Variants in XKR9 observed in about 807,000 individuals in gnomAD.
The protein encoded by XKR9 is XK related 9.
Under a neutral mutation model 32.0 loss-of-function variants are expected in XKR9, and 32 were observed. The ratio of observed to expected loss-of-function variants is 1.00; its 90% CI spans 0.76 to 1.34. The LOEUF (loss-of-function observed/expected upper bound fraction) is 1.34, where lower values mean the gene tolerates loss of function less well. Ranked by LOEUF, XKR9 falls within the 40% of genes most tolerant of loss-of-function variation. XKR9 has a pLI of 0.00. For synonymous variants in XKR9, 168 were observed against 143.4 expected (o/e 1.17, Z -1.22); for missense variants, 546 against 429.7 (o/e 1.27, Z -2.39).
chr8:70,899,093 T>C, the XKR9 span, among the ~76,000 whole-genome samples: 1 of 152,164 alleles, frequency 6.6e-6, no homozygotes, highest in Non-Finnish European at 1.5e-5. Context: ...TTTTATTTTA[T>C]TTTTGTAGTG....
the XKR9 span, among the ~76,000 whole-genome samples, chr8:70,835,477 A>G: frequency 1.3e-5 from 2 of 152,076 alleles, no homozygotes; most frequent in African/African-American, 4.8e-5. Flanking sequence ...TAGGAAATAT[A>G]GTCTGGGGTC....
intron 3 of XKR9, among the ~76,000 whole-genome samples, chr8:70,693,583 A>T (rs1805152616): frequency 6.6e-6 from 1 of 152,164 alleles, no homozygotes; most frequent in Non-Finnish European, 1.5e-5. Flanking sequence ...GAGGCAGCAG[A>T]GGAAAAGATC....
At chr8:70,731,071 A>C (rs890758047) in intron 4 of XKR9, among the ~76,000 whole-genome samples, 1 of 152,208 alleles carries the variant, frequency 6.6e-6, no homozygotes, top group African/African-American at 2.4e-5. Flanking sequence ...CTGGCTTTAA[A>C]AGCAGCCTTA....
At chr8:70,719,013 T>C (rs1806186168) in intron 4 of XKR9, among the ~76,000 whole-genome samples, 2 of 152,154 alleles carry the variant, frequency 1.3e-5, no homozygotes, top group South Asian at 4.1e-4. Flanking sequence ...ACCATTCTAA[T>C]TGGTGTGAGT....
chr8:70,829,597 C>T, the XKR9 span, among the ~76,000 whole-genome samples: 1 of 152,102 alleles, frequency 6.6e-6, no homozygotes, highest in East Asian at 1.9e-4. Context: ...TACAGGCGCC[C>T]GCTACCACAC....
At chr8:71,040,921 C>T in the XKR9 span, among the ~76,000 whole-genome samples, 1 of 151,880 alleles carries the variant, frequency 6.6e-6, no homozygotes, top group Non-Finnish European at 1.5e-5. Context: ...GACAGAGTCC[C>T]CAAAGTAGAA....
the XKR9 span, among the ~76,000 whole-genome samples, chr8:70,848,600 C>T: frequency 6.6e-6 from 1 of 151,688 alleles, no homozygotes; most frequent in African/African-American, 2.4e-5. Context: ...TTACAAAATA[C>T]AAAATTGTCA....
chr8:70,891,936 T>C, the XKR9 span, among the ~76,000 whole-genome samples: 2 of 152,106 alleles, frequency 1.3e-5, no homozygotes, highest in Non-Finnish European at 2.9e-5. Flanking sequence ...ACCTGAGTGC[T>C]GTGGTGTTGG....
the XKR9 span, among the ~76,000 whole-genome samples, chr8:70,999,588 A>G: frequency 1.7e-4 from 26 of 152,210 alleles, no homozygotes; most frequent in Non-Finnish European, 1.6e-4. Flanking sequence ...CATGGTGGAA[A>G]AAAACCCTTA....
the XKR9 span, among the ~76,000 whole-genome samples, chr8:70,847,509 A>G: frequency 2.0e-5 from 3 of 152,010 alleles, no homozygotes; most frequent in Admixed American, 6.6e-5. Flanking sequence ...AAACAGAGAC[A>G]AAAAATACAA....
At chr8:70,983,961 T>C in the XKR9 span, among the ~76,000 whole-genome samples, 1 of 152,072 alleles carries the variant, frequency 6.6e-6, no homozygotes, top group Non-Finnish European at 1.5e-5. Flanking sequence ...TGAATAACAA[T>C]CATGATGGAA....
At chr8:70,861,192 C>T in the XKR9 span, among the ~76,000 whole-genome samples, 1 of 152,224 alleles carries the variant, frequency 6.6e-6, no homozygotes, top group African/African-American at 2.4e-5. Flanking sequence ...GGCAACTCTT[C>T]ACAGAGTTTT....
chr8:70,732,502 G>T (rs956221669), intron 4 of XKR9, among the ~76,000 whole-genome samples: 2 of 152,194 alleles, frequency 1.3e-5, no homozygotes, highest in East Asian at 3.9e-4. Context: ...ACTGAACCAT[G>T]GGCTGGTAGT....
At chr8:71,032,281 C>CAAAAAAAA in the XKR9 span, among the ~76,000 whole-genome samples, 1 of 73,208 alleles carries the variant, frequency 1.4e-5, no homozygotes, top group African/African-American at 5.0e-5. Flanking sequence ...GAGACTCTGT[C>CAAAAAAAA]AAAAAAAAAA....
chr8:71,058,049 C>T, the XKR9 span, among the ~76,000 whole-genome samples: 2 of 151,926 alleles, frequency 1.3e-5, no homozygotes, highest in African/African-American at 4.8e-5. Flanking sequence ...GGTGTGGTGG[C>T]GGGCGCCTGT....
intron 2 of XKR9, chr8:70,780,883 C>A (rs1807606217): frequency 1.3e-5 from 2 of 150,558 alleles, no homozygotes; most frequent in Non-Finnish European, 3.0e-5. Flanking sequence ...TCAACACCAA[C>A]AATTCTCTTC....
chr8:70,782,541 G>C (rs1807631099), intron 2 of XKR9, among the ~76,000 whole-genome samples: 1 of 151,550 alleles, frequency 6.6e-6, no homozygotes, highest in Admixed American at 6.6e-5. Context: ...TATTCCTTCT[G>C]CTTGAGATTT....
chr8:70,868,302 A>C, the XKR9 span, among the ~76,000 whole-genome samples: 1 of 151,994 alleles, frequency 6.6e-6, no homozygotes, highest in African/African-American at 2.4e-5. Flanking sequence ...TCCCTTCTGC[A>C]CTTCCCTAGC....
chr8:70,932,786 C>A, the XKR9 span, among the ~76,000 whole-genome samples: 2 of 152,074 alleles, frequency 1.3e-5, no homozygotes, highest in Admixed American at 1.3e-4. Flanking sequence ...TGGATTAGGG[C>A]CCACCCTTAC....
Sources: gnomAD v4.1 joint callset for allele counts (sites outside exome capture counted in the v4.1 genomes callset) on GRCh38, gnomAD v4.1.1 for gene constraint, MANE v1.5 for transcripts, NCBI Gene and HGNC (gene_info 2026-07-23, HGNC 2026-07-21) for gene names.